SLC24A2: variants seen among roughly 807,000 people sequenced by gnomAD.
SLC24A2 encodes the protein sodium/potassium/calcium exchanger 2.
SLC24A2 carries 36 observed loss-of-function variants against 62.0 expected under a neutral mutation model. The observed-to-expected ratio is 0.58, with a 90% confidence interval of 0.44 to 0.77. SLC24A2 has a LOEUF of 0.77. Among genes scored for constraint, SLC24A2 ranks in the 30% least tolerant of loss-of-function variants. The pLI is 0.00. For missense variants in SLC24A2, 846 were observed against 817.9 expected, an observed-to-expected ratio of 1.03 and a Z score of -0.42; for synonymous variants, 358 against 294.0, an observed-to-expected ratio of 1.22 and a Z score of -2.23.
chr9:20,284,985 A>T, the SLC24A2 span, among the ~76,000 whole-genome samples: 2 of 152,226 alleles, frequency 1.3e-5, no homozygotes, highest in Non-Finnish European at 2.9e-5. Flanking sequence ...AAGCAAGCCA[A>T]ATATAATTCT....
At chr9:19,991,811 C>A in the SLC24A2 span, among the ~76,000 whole-genome samples, 1 of 152,184 alleles carries the variant, frequency 6.6e-6, no homozygotes, top group East Asian at 1.9e-4. Context: ...AGGAGAGAAA[C>A]TGAAAGCAGG....
At chr9:19,858,040 T>C in the SLC24A2 span, among the ~76,000 whole-genome samples, 1 of 152,204 alleles carries the variant, frequency 6.6e-6, no homozygotes, top group Non-Finnish European at 1.5e-5. Flanking sequence ...AGAGCCTGAA[T>C]AGCCAAGGCA....
In SLC24A2 at chr9:19,642,870, C is replaced by T. The variant is rs1419605014; in HGVS notation, c.931-20571G>A. ...TAATTTTTTGTATTTTTAGTAGAGA[C>T]GGGGTTTCACCGTGTTAGCCAAGAT... On this transcript the variant is annotated intron_variant, in intron 2 of 10. Coordinates refer to ENST00000341998, the MANE Select transcript of SLC24A2 (RefSeq NM_020344.4). Among the ~76,000 whole-genome samples, 9 of 150,774 alleles carry T rather than the reference C, an allele frequency of 6.0e-5. 1 individual carries two copies. The highest frequency in any genetic ancestry group is 9.8e-5 in the African/African-American group (4 of 40,970).
At chr9:19,764,871 T>C (rs1822462804) in intron 2 of SLC24A2, among the ~76,000 whole-genome samples, 2 of 152,204 alleles carry the variant, frequency 1.3e-5, no homozygotes, top group Non-Finnish European at 1.5e-5. Context: ...TTTTGTCTCA[T>C]TGATCTAATA....
At chr9:20,275,424 C>A in the SLC24A2 span, among the ~76,000 whole-genome samples, 160 of 152,316 alleles carry the variant, frequency 1.1e-3, no homozygotes, top group African/African-American at 3.8e-3. Context: ...GATACAGTGG[C>A]ATCTGCTCCT....
At chr9:20,204,280 G>T in the SLC24A2 span, among the ~76,000 whole-genome samples, 1 of 152,194 alleles carries the variant, frequency 6.6e-6, no homozygotes, top group Non-Finnish European at 1.5e-5. Context: ...CCACAGCATT[G>T]CCACCTTCAA....
rs537210102 is a variant in SLC24A2 at position 19,709,570 on chromosome 9, C to G, written c.930+76367G>C. Among the ~76,000 whole-genome samples the G allele has an allele frequency of 1.1e-4, 16 of 151,942 alleles. 1 individual carries two copies. Among genetic ancestry groups the G allele is most frequent in the African/African-American group, 3.6e-4 (15 of 41,386 alleles). The stretch of plus-strand genomic sequence containing the variant: ...CACATATACACCATGGAATACTATG[C>G]AGCCATAAAAAATGAAGAGTTCATG... On this transcript the variant is annotated intron_variant, in intron 2 of 10. Coordinates refer to ENST00000341998, the MANE Select transcript of SLC24A2 (RefSeq NM_020344.4).
chr9:19,564,362 C>T (rs1435442734), intron 7 of SLC24A2, among the ~76,000 whole-genome samples: 1 of 152,118 alleles, frequency 6.6e-6, no homozygotes, highest in Non-Finnish European at 1.5e-5. Context: ...CTTAAAAACT[C>T]CACTGAGTTT....
chr9:19,797,023 A>AT, the SLC24A2 span, among the ~76,000 whole-genome samples: 2 of 151,966 alleles, frequency 1.3e-5, no homozygotes, highest in Non-Finnish European at 2.9e-5. Flanking sequence ...TCTTTTCTCC[A>AT]TTTTCTATTC....
chr9:19,744,224 T>C (rs1189246871), intron 2 of SLC24A2, among the ~76,000 whole-genome samples: 1 of 152,212 alleles, frequency 6.6e-6, no homozygotes, highest in Non-Finnish European at 1.5e-5. Context: ...CATCTTTAAT[T>C]CAAAATACTG....
rs559212032 is a variant in SLC24A2 at position 19,532,882 on chromosome 9, T to C, written c.1480-4744A>G. On this transcript the variant is annotated intron_variant, in intron 8 of 10. Transcript: ENST00000341998. ...TTTCATATCTCATTAGATGCATTCT[T>C]GTTTTGCAGGAGTATCTATCTTAGT... Among the ~76,000 whole-genome samples the C allele has an allele frequency of 2.0e-5, 3 of 152,342 alleles. No homozygotes were observed. The South Asian group carries it at 6.2e-4, about 32-fold the overall frequency.
chr9:19,739,933 C>A (rs1404718738), intron 2 of SLC24A2, among the ~76,000 whole-genome samples: 2 of 152,022 alleles, frequency 1.3e-5, no homozygotes, highest in African/African-American at 4.8e-5. Flanking sequence ...TATCTATATC[C>A]AGAATATATA....
At chr9:19,597,613 A>T (rs1464563136) in intron 4 of SLC24A2, among the ~76,000 whole-genome samples, 1 of 152,188 alleles carries the variant, frequency 6.6e-6, no homozygotes, top group Non-Finnish European at 1.5e-5. Context: ...TAGAGGTGAC[A>T]CTCCGAGAGA....
chr9:19,800,210 C>T, the SLC24A2 span, among the ~76,000 whole-genome samples: 2 of 152,148 alleles, frequency 1.3e-5, no homozygotes, highest in Non-Finnish European at 2.9e-5. Context: ...AGGCATTTTT[C>T]AACCCACTAC....
chr9:19,782,914 T>A (rs1823056836), intron 2 of SLC24A2, among the ~76,000 whole-genome samples: 1 of 152,188 alleles, frequency 6.6e-6, no homozygotes, highest in Non-Finnish European at 1.5e-5. Flanking sequence ...CTTTCCTTTT[T>A]GAGTTAAAGC....
At chr9:20,120,745 A>C in the SLC24A2 span, among the ~76,000 whole-genome samples, 1 of 152,182 alleles carries the variant, frequency 6.6e-6, no homozygotes, top group African/African-American at 2.4e-5. Context: ...GCTTTGCCTA[A>C]TCCAAGGTTG....
intron 2 of SLC24A2, among the ~76,000 whole-genome samples, chr9:19,700,360 A>C (rs1430970277): frequency 6.6e-6 from 1 of 151,938 alleles, no homozygotes; most frequent in Non-Finnish European, 1.5e-5. Flanking sequence ...CTCCACTCTT[A>C]CTCTGAAACA....
chr9:20,249,526 G>C, the SLC24A2 span, among the ~76,000 whole-genome samples: 1 of 151,998 alleles, frequency 6.6e-6, no homozygotes, highest in Non-Finnish European at 1.5e-5. Context: ...TCAACATGAT[G>C]AAACTCCATC....
the SLC24A2 span, among the ~76,000 whole-genome samples, chr9:20,251,375 A>G: frequency 6.6e-6 from 1 of 152,054 alleles, no homozygotes; most frequent in South Asian, 2.1e-4. Context: ...CAAACATTTC[A>G]AACGAGTAAA....
Sources: allele counts gnomAD v4.1 joint callset (sites outside exome capture counted in the v4.1 genomes callset), GRCh38; gene constraint gnomAD v4.1.1; transcripts MANE v1.5; gene names NCBI Gene and HGNC (gene_info 2026-07-23, HGNC 2026-07-21).